The following VIPR2 variants were observed in gnomAD, a reference collection of about 807,000 sequenced individuals.
VIPR2 encodes the protein vasoactive intestinal polypeptide receptor 2.
In VIPR2, 48 loss-of-function variants were observed where a neutral mutation model predicts 58.0. The ratio of observed to expected loss-of-function variants is 0.83; its 90% CI spans 0.66 to 1.05. VIPR2 has a LOEUF of 1.05. Ranked by LOEUF, VIPR2 falls within the 50% of genes least tolerant of loss-of-function variation. The pLI is 0.00. For missense variants in VIPR2, 534 were observed against 558.0 expected, an observed-to-expected ratio of 0.96 and a Z score of 0.43; for synonymous variants, 243 against 235.2, an observed-to-expected ratio of 1.03 and a Z score of -0.30.
chr7:159,036,762 C>T lies in VIPR2; in HGVS notation c.738G>A (p.Leu246=). The T allele has an allele frequency of 1.2e-6, 2 of 1,613,178 alleles. No homozygotes were observed. The highest frequency in any genetic ancestry group is 1.7e-6 in the Non-Finnish European group (2 of 1,179,618). ...PPRRCFLAYL[L]IGWGLPTVCI... is the part of the protein sequence containing the mutation. ...AAGGGGCACACTTACCCCATCCGAT[C>T]AGGAGGTAGGCCAGGAAGCACCTTC... is the stretch of plus-strand genomic sequence containing the variant. Residue 246 remains leucine, a synonymous_variant, in exon 7 of 13, where the codon CTG becomes CTA. Coordinates refer to ENST00000262178, the MANE Select transcript of VIPR2 (RefSeq NM_003382.5).
At chr7:159,133,088 G>GAGTCTACTA (rs1457098740) in intron 2 of VIPR2, among the ~76,000 whole-genome samples, 8 of 151,534 alleles carry the variant, frequency 5.3e-5, no homozygotes, top group East Asian at 1.9e-4. Context: ...ACGCTATTTT[G>GAGTCTACTA]ATTTCTTGCC....
intron 5 of VIPR2, among the ~76,000 whole-genome samples, chr7:159,049,440 G>A (rs1025342672): frequency 1.3e-5 from 2 of 152,188 alleles, no homozygotes; most frequent in Admixed American, 6.5e-5. Flanking sequence ...GCCCTCCAGG[G>A]CCTCCGTGGG....
At chr7:159,041,169 A>T (rs1366959821) in intron 6 of VIPR2, among the ~76,000 whole-genome samples, 1 of 152,198 alleles carries the variant, frequency 6.6e-6, no homozygotes, top group Non-Finnish European at 1.5e-5. Context: ...GTGTTCACCC[A>T]GTGTCCACAG....
In VIPR2 at chr7:159,099,847, C is replaced by T. The variant is rs544677111; in HGVS notation, c.357+3910G>A. On this transcript the variant is annotated intron_variant, in intron 4 of 12. Transcript: ENST00000262178. The surrounding 1 kb of genome is among the most constrained non-coding windows in gnomAD (Gnocchi z 4.2). ...AAGCCTGGGGCAGATGGTATTATCA[C>T]TGCTGTGATCTCACACACCAGAGCC... 6.6e-6 allele frequency among the ~76,000 whole-genome samples: 1 copy of T among 152,264 alleles called. No individual in the cohort carries two copies. The highest frequency in any genetic ancestry group is 2.1e-4 in the South Asian group (1 of 4,824).
At chr7:159,075,232 A>G (rs1304900097) in intron 4 of VIPR2, among the ~76,000 whole-genome samples, 1 of 152,200 alleles carries the variant, frequency 6.6e-6, no homozygotes, top group African/African-American at 2.4e-5. Flanking sequence ...CTCAAAATCT[A>G]CAGATGTCCA....
In VIPR2 at chr7:159,043,113, G is replaced by A. The variant is rs3763426; in HGVS notation, c.519C>T (p.Ala173=). 1.7e-3 allele frequency: 2,725 copies of A among 1,614,052 alleles called. 79 individuals are homozygous for A. In the East Asian group the frequency reaches 0.051, roughly 30 times the overall value. The change falls in exon 6 of 13, where the codon GCC becomes GCT. Residue 173 remains alanine (A), a synonymous_variant. Coordinates refer to ENST00000262178, the MANE Select transcript of VIPR2 (RefSeq NM_003382.5). ...LNLFLSFILR[A]ISVLVKDDVL... is the part of the protein sequence containing the mutation. ...CGTCGTCCTTGACCAGCACTGAGATGGCTCTCAGGATGAAGGACAGGAACA... is the reference window on the plus strand; with the variant it reads ...CGTCGTCCTTGACCAGCACTGAGATAGCTCTCAGGATGAAGGACAGGAACA...
At chr7:159,057,360 A>G (rs926318775) in intron 5 of VIPR2, among the ~76,000 whole-genome samples, 6 of 152,244 alleles carry the variant, frequency 3.9e-5, no homozygotes, top group African/African-American at 1.4e-4. Flanking sequence ...CTCACTTTTC[A>G]AAGTGCAGCC....
chr7:159,143,024 A>T (rs998172373), intron 1 of VIPR2, among the ~76,000 whole-genome samples: 1 of 152,220 alleles, frequency 6.6e-6, no homozygotes, highest in African/African-American at 2.4e-5. Context: ...ACTACAGATA[A>T]AACTGCAATC....
rs866553556 is a variant in VIPR2 at position 159,032,015 on chromosome 7, T to A, written c.1024A>T (p.Met342Leu). Residue 342 changes from methionine to leucine, a missense_variant, in exon 11 of 13, where the codon ATG becomes TTG. Coordinates refer to ENST00000262178, the MANE Select transcript of VIPR2 (RefSeq NM_003382.5). Reference sequence around the variant, plus strand: ...CTGATGGGAAACACGGCAAACACCATGTAGTGGACGCCGAACAGCGGGATA... The same window carrying A: ...CTGATGGGAAACACGGCAAACACCAAGTAGTGGACGCCGAACAGCGGGATA... The part of the protein sequence containing the change: ...LLIPLFGVHY[M>L]VFAVFPISIS... 2.5e-6 allele frequency: 4 copies of A among 1,613,868 alleles called. No homozygotes were observed. In the Admixed American group the frequency reaches 6.7e-5, roughly 27 times the overall value.
chr7:159,049,534 C>G (rs561347120), intron 5 of VIPR2, among the ~76,000 whole-genome samples: 1 of 152,170 alleles, frequency 6.6e-6, no homozygotes, highest in Admixed American at 6.5e-5. Context: ...GGCAGCCTCA[C>G]CCGCCACAGC....
intron 2 of VIPR2, among the ~76,000 whole-genome samples, chr7:159,132,617 G>T: frequency 6.6e-6 from 1 of 152,282 alleles, no homozygotes; most frequent in Non-Finnish European, 1.5e-5. Context: ...AGAAATGGGT[G>T]CAGCTCAGGG....
intron 2 of VIPR2, among the ~76,000 whole-genome samples, chr7:159,114,196 A>G (rs996334980): frequency 3.3e-5 from 5 of 151,972 alleles, no homozygotes; most frequent in Non-Finnish European, 7.4e-5. Context: ...GGCACAGTGA[A>G]CCCTTTGGGA....
chr7:159,030,756 G>T lies in VIPR2; in HGVS notation c.1177C>A (p.Arg393=). The T allele has an allele frequency of 6.3e-7, 1 of 1,591,128 alleles. No individual in the cohort carries two copies. The highest frequency in any genetic ancestry group is 8.5e-7 in the Non-Finnish European group (1 of 1,170,556). Residue 393 remains arginine, a synonymous_variant, in exon 13 of 13, where the codon CGG becomes AGG. Transcript: ENST00000262178. The part of the protein sequence containing the change: ...QCELKRKWRS[R]CPTPSASRDY... ...CGGCTCGCGGACGGGGTCGGGCACC[G>T]GCTTCGCCATTTTCGCTTCAGCTCG...
At position 159,077,695 on chromosome 7, in the gene VIPR2, A is replaced by T. The variant is rs573405369; in HGVS notation, c.358-19117T>A. Among the ~76,000 whole-genome samples the T allele has an allele frequency of 3.3e-5, 5 of 149,782 alleles. No individual in the cohort carries two copies. The East Asian group carries it at 5.9e-4, about 18-fold the overall frequency. ...CCCTGTTCAATGTCTTTGAGGTATT[A>T]TAGTATGCCTGTTATCAGATTCTAG... On this transcript the variant is annotated intron_variant, in intron 4 of 12. Coordinates refer to ENST00000262178, the MANE Select transcript of VIPR2 (RefSeq NM_003382.5).
intron 2 of VIPR2, 79 bp downstream of exon 2, chr7:159,142,367 C>A: frequency 9.5e-7 from 1 of 1,048,030 alleles, no homozygotes. Context: ...CAGGTGGTGA[C>A]CCTGAACCAC....
intron 4 of VIPR2, among the ~76,000 whole-genome samples, chr7:159,101,589 G>A (rs566056832): frequency 3.8e-5 from 5 of 133,004 alleles, no homozygotes; most frequent in Non-Finnish European, 4.8e-5. Context: ...CACGAGATCC[G>A]ACGAGGCGGT....
intron 1 of VIPR2, among the ~76,000 whole-genome samples, chr7:159,144,040 C>T (rs1395578240): frequency 6.6e-6 from 1 of 152,228 alleles, no homozygotes; most frequent in Non-Finnish European, 1.5e-5. Flanking sequence ...GCGACGCGCA[C>T]GAAAACCGCG....
At chr7:159,116,595 C>T (rs1354828220) in intron 2 of VIPR2, among the ~76,000 whole-genome samples, 1 of 152,218 alleles carries the variant, frequency 6.6e-6, no homozygotes, top group Non-Finnish European at 1.5e-5. Context: ...ACACTGTAGA[C>T]TAAGTCGTTC....
intron 3 of VIPR2, among the ~76,000 whole-genome samples, chr7:159,106,566 GAGAGAGGCCAGGGAGGGGCAC>G (rs1858671151): frequency 7.2e-6 from 1 of 139,578 alleles, no homozygotes; most frequent in East Asian, 2.1e-4. Context: ...GGGAGGGGCA[GAGAGAGGCCAGGGAGGGGCAC>G]AGAGAGGCCA....
Sources: gnomAD v4.1 joint callset for allele counts (sites outside exome capture counted in the v4.1 genomes callset) on GRCh38, gnomAD v4.1.1 for gene constraint, Gnocchi (gnomAD v3.1) non-coding constraint, MANE v1.5 for transcripts, NCBI Gene and HGNC (gene_info 2026-07-23, HGNC 2026-07-21) for gene names.